The following SLC36A1 variants were observed in gnomAD, a reference collection of about 807,000 sequenced individuals.
The protein encoded by SLC36A1 is proton-coupled amino acid transporter 1.
In SLC36A1, 30 loss-of-function variants were observed where a neutral mutation model predicts 47.5. The observed-to-expected ratio is 0.63, with a 90% CI of 0.47 to 0.86. SLC36A1 has a LOEUF of 0.86. Ranked by LOEUF, SLC36A1 falls within the 40% of genes least tolerant of loss-of-function variation. The pLI is 0.00. For synonymous variants in SLC36A1, 255 were observed against 249.7 expected (o/e 1.02, Z -0.20); for missense variants, 517 against 606.0 (o/e 0.85, Z 1.54).
At chr5:151,508,916 G>C in the SLC36A1 span, among the ~76,000 whole-genome samples, 1 of 152,176 alleles carries the variant, frequency 6.6e-6, no homozygotes, top group African/African-American at 2.4e-5. Context: ...TTCTGATTCA[G>C]TTGGTCTAGG....
At chr5:151,369,817 CAG>C in the SLC36A1 span, among the ~76,000 whole-genome samples, 1 of 149,440 alleles carries the variant, frequency 6.7e-6, no homozygotes, top group East Asian at 2.0e-4. Flanking sequence ...TTTTTTGAGA[CAG>C]AGTCTCCCTC....
At chr5:151,486,534 T>G (rs1759574309) in intron 10 of SLC36A1, among the ~76,000 whole-genome samples, 1 of 152,236 alleles carries the variant, frequency 6.6e-6, no homozygotes, top group Admixed American at 6.5e-5. Flanking sequence ...AATCCAATCC[T>G]TCAGCTGCTC....
At chr5:151,555,325 T>C in the SLC36A1 span, among the ~76,000 whole-genome samples, 1 of 152,082 alleles carries the variant, frequency 6.6e-6, no homozygotes, top group South Asian at 2.1e-4. Flanking sequence ...TCCCTAGGAA[T>C]TCTAGAAGGC....
At chr5:151,433,237 TATATATATATATATATATATATATATA>T (rs1352763436), upstream of SLC36A1, among the ~76,000 whole-genome samples, 14 of 9,350 alleles carry the variant, frequency 1.5e-3, no homozygotes, top group East Asian at 3.1e-3. Flanking sequence ...TATATATATA[TATATATATATATATATATATATATATA>T]TATTTTTTTT....
At chr5:151,544,590 T>G in the SLC36A1 span, 2 of 1,614,152 alleles carry the variant, frequency 1.2e-6, no homozygotes, top group Non-Finnish European at 1.7e-6. Context: ...TTTCAGGTAC[T>G]CTGACTTTGT....
the SLC36A1 span, among the ~76,000 whole-genome samples, chr5:151,538,843 A>AT: frequency 0.11 from 15,284 of 143,802 alleles, 927 homozygotes; most frequent in Non-Finnish European, 0.14. Context: ...CACCTGGCTA[A>AT]TTTTTTTTTT....
chr5:151,385,997 G>A, the SLC36A1 span, among the ~76,000 whole-genome samples: 1 of 151,058 alleles, frequency 6.6e-6, no homozygotes, highest in Non-Finnish European at 1.5e-5. Context: ...TTACCCTGCC[G>A]AGTGGCTGTG....
the SLC36A1 span, chr5:151,506,139 C>G: frequency 6.7e-7 from 1 of 1,490,006 alleles, no homozygotes; most frequent in Non-Finnish European, 8.9e-7. Flanking sequence ...ATTTTCTCCC[C>G]GGAAGGTTTC....
At chr5:151,427,074 A>C in the SLC36A1 span, among the ~76,000 whole-genome samples, 1 of 152,112 alleles carries the variant, frequency 6.6e-6, no homozygotes, top group Non-Finnish European at 1.5e-5. Context: ...AACAAAATGG[A>C]GTTTTTTATG....
the SLC36A1 span, among the ~76,000 whole-genome samples, chr5:151,364,379 C>T: frequency 2.0e-5 from 3 of 152,158 alleles, no homozygotes; most frequent in Non-Finnish European, 2.9e-5. Flanking sequence ...TATATGTTTC[C>T]CTTTTTGAGA....
chr5:151,426,992 G>A, the SLC36A1 span, among the ~76,000 whole-genome samples: 1 of 152,224 alleles, frequency 6.6e-6, no homozygotes, highest in East Asian at 1.9e-4. Flanking sequence ...ACATGGTTCT[G>A]CGAGCACAGG....
the SLC36A1 span, among the ~76,000 whole-genome samples, chr5:151,408,986 TCTTTTCTTTC>T: frequency 1.4e-5 from 2 of 147,772 alleles, no homozygotes; most frequent in Non-Finnish European, 3.0e-5. Flanking sequence ...TTTTTTCTTT[TCTTTTCTTTC>T]CTCTTTTTTT....
At chr5:151,427,696 G>T in the SLC36A1 span, among the ~76,000 whole-genome samples, 2 of 152,252 alleles carry the variant, frequency 1.3e-5, no homozygotes, top group Admixed American at 1.3e-4. Context: ...GGGCGAGGGG[G>T]AGACAGTGCC....
the SLC36A1 span, chr5:151,512,716 GGTGTTTGGC>G: frequency 2.0e-6 from 2 of 1,020,210 alleles, no homozygotes; most frequent in Non-Finnish European, 2.8e-6. This position sits in a 1 kb window ranked among gnomAD's most constrained non-coding sequence, Gnocchi z 4.1. Context: ...GTAGGAGGGG[GGTGTTTGGC>G]TGTTTTAGAC....
At chr5:151,540,965 G>C in the SLC36A1 span, among the ~76,000 whole-genome samples, 1 of 152,222 alleles carries the variant, frequency 6.6e-6, no homozygotes, top group African/African-American at 2.4e-5. Flanking sequence ...GCCTCCTGTT[G>C]AATGAAATTG....
the SLC36A1 span, chr5:151,527,395 G>A: frequency 6.3e-7 from 1 of 1,579,652 alleles, no homozygotes; most frequent in East Asian, 2.3e-5. Context: ...AAAATGTCCA[G>A]TGGAGGTTAG....
downstream of SLC36A1, among the ~76,000 whole-genome samples, chr5:151,494,667 C>T (rs770562503): frequency 2.6e-5 from 4 of 152,098 alleles, no homozygotes; most frequent in South Asian, 2.1e-4. Flanking sequence ...GTATCTATTG[C>T]GTGGATGAAC....
chr5:151,542,134 T>C, the SLC36A1 span: 1 of 646,002 alleles, frequency 1.5e-6, no homozygotes, highest in Admixed American at 3.0e-5. Context: ...AGTCTATAGG[T>C]GGAGAAACTG....
chr5:151,443,055 T>TCC (rs1752715975), upstream of SLC36A1, among the ~76,000 whole-genome samples: 1 of 152,194 alleles, frequency 6.6e-6, no homozygotes, highest in African/African-American at 2.4e-5. Context: ...ACACTTGGAT[T>TCC]GTTTCTATAT....
Sources: gnomAD v4.1 joint callset for allele counts (sites outside exome capture counted in the v4.1 genomes callset) on GRCh38, gnomAD v4.1.1 for gene constraint, Gnocchi (gnomAD v3.1) non-coding constraint, MANE v1.5 for transcripts, NCBI Gene and HGNC (gene_info 2026-07-23, HGNC 2026-07-21) for gene names.